ZFHX3: variants seen among roughly 807,000 people sequenced by gnomAD.
ZFHX3 encodes zinc finger homeobox protein 3.
A neutral mutation model predicts 279.1 loss-of-function variants in ZFHX3; 42 were observed. The ratio of observed to expected loss-of-function variants is 0.15; its 90% CI spans 0.12 to 0.19. ZFHX3 has a LOEUF of 0.19. Ranked by LOEUF, ZFHX3 falls within the 10% of genes least tolerant of loss-of-function variation. The probability of loss-of-function intolerance (pLI) is 1.00; values close to 1 mark genes in which losing one functional copy is unlikely to be tolerated. For synonymous variants in ZFHX3, 2,293 were observed against 1,957.8 expected, an observed-to-expected ratio of 1.17 and a Z score of -4.52; for missense variants, 4,981 against 4,754.0, an observed-to-expected ratio of 1.05 and a Z score of -1.40.
chr16:73,581,104 G>T (rs897700195), intron 2 of ZFHX3, among the ~76,000 whole-genome samples: 3 of 151,700 alleles, frequency 2.0e-5, no homozygotes, highest in African/African-American at 7.3e-5. Flanking sequence ...GCCTTTTCTA[G>T]AAAAATGTTC....
At chr16:72,942,553 G>T (rs903551186) in intron 3 of ZFHX3, among the ~76,000 whole-genome samples, 1 of 152,146 alleles carries the variant, frequency 6.6e-6, no homozygotes, top group Non-Finnish European at 1.5e-5. Context: ...TCTGAAATTA[G>T]ACCTCCTTGC....
intron 4 of ZFHX3, among the ~76,000 whole-genome samples, chr16:72,849,126 C>T (rs1007338737): frequency 1.3e-5 from 2 of 151,896 alleles, no homozygotes; most frequent in African/African-American, 2.4e-5. Context: ...AAGAGGCCAA[C>T]GCCCGCCCTC....
intron 3 of ZFHX3, among the ~76,000 whole-genome samples, chr16:72,923,882 C>T (rs779163900): frequency 5.3e-5 from 8 of 152,228 alleles, no homozygotes; most frequent in African/African-American, 7.2e-5. Flanking sequence ...GTTCAAGACG[C>T]GGCTACTGGG....
chr16:72,911,704 C>T (rs902865986), intron 3 of ZFHX3, among the ~76,000 whole-genome samples: 1 of 152,222 alleles, frequency 6.6e-6, no homozygotes. Context: ...CTCGGTGACA[C>T]TAGCCACATT....
intron 1 of ZFHX3, among the ~76,000 whole-genome samples, chr16:73,012,112 C>A (rs955004204): frequency 2.6e-5 from 4 of 152,226 alleles, no homozygotes; most frequent in African/African-American, 9.6e-5. Flanking sequence ...GGCAGTCAGT[C>A]TTCTCAGCAG....
rs1400288999 is a variant in ZFHX3 at position 72,787,904 on chromosome 16, C to A, written c.10372G>T (p.Val3458Phe). 2 of 1,613,980 alleles carry A rather than the reference C, an allele frequency of 1.2e-6. No individual in the cohort carries two copies. The highest frequency in any genetic ancestry group is 1.7e-6 in the Non-Finnish European group (2 of 1,180,028). The part of the protein sequence containing the change: ...SADSLYDPFI[V>F]PKVQYKLVCR... Reference sequence around the variant, plus strand: ...ACCAACTTGTACTGCACCTTTGGAACAATGAAGGGGTCGTAGAGGGAGTCC... The same window carrying A: ...ACCAACTTGTACTGCACCTTTGGAAAAATGAAGGGGTCGTAGAGGGAGTCC... Residue 3458 changes from valine (V) to phenylalanine (F), a missense_variant, in exon 10 of 10, where the codon GTT becomes TTT. This residue lies in a region of ZFHX3 where 1,034 missense variants were observed against 786.0 expected (regional missense o/e 1.32). Coordinates refer to ENST00000268489, the MANE Select transcript of ZFHX3 (RefSeq NM_006885.4).
At chr16:72,895,630 T>TG (rs921820502) in intron 3 of ZFHX3, among the ~76,000 whole-genome samples, 1 of 152,182 alleles carries the variant, frequency 6.6e-6, no homozygotes, top group Non-Finnish European at 1.5e-5. Flanking sequence ...AAGAGCAGCC[T>TG]GGGCAACATG....
At chr16:73,104,107 G>C (rs1040213096) in intron 7 of ZFHX3, among the ~76,000 whole-genome samples, 2 of 151,876 alleles carry the variant, frequency 1.3e-5, no homozygotes, top group Admixed American at 6.6e-5. Context: ...CATCCAGACT[G>C]TTATGGGAGG....
chr16:73,450,208 A>C (rs1441166454), intron 3 of ZFHX3, among the ~76,000 whole-genome samples: 2 of 152,190 alleles, frequency 1.3e-5, no homozygotes, highest in Non-Finnish European at 2.9e-5. Flanking sequence ...CAGGTAAACA[A>C]CACAGTGTTT....
chr16:73,858,833 T>C (rs1961807461), intron 1 of ZFHX3, among the ~76,000 whole-genome samples: 1 of 152,208 alleles, frequency 6.6e-6, no homozygotes, highest in Admixed American at 6.5e-5. Context: ...CAGCTTTCAG[T>C]ACATTATGAG....
At chr16:73,247,174 T>C (rs902187597) in intron 5 of ZFHX3, among the ~76,000 whole-genome samples, 2 of 152,034 alleles carry the variant, frequency 1.3e-5, no homozygotes, top group Non-Finnish European at 2.9e-5. Flanking sequence ...TGTGTCTATG[T>C]ACCTGTATGT....
At chr16:72,951,507 C>A (rs545300868) in intron 2 of ZFHX3, among the ~76,000 whole-genome samples, 1 of 152,320 alleles carries the variant, frequency 6.6e-6, no homozygotes, top group Non-Finnish European at 1.5e-5. Context: ...GCTGATCCAA[C>A]TGCCTCGGCC....
At chr16:73,833,600 G>A (rs769032027) in intron 1 of ZFHX3, among the ~76,000 whole-genome samples, 3 of 151,704 alleles carry the variant, frequency 2.0e-5, no homozygotes, top group Non-Finnish European at 4.4e-5. Flanking sequence ...ACCAGGGCCT[G>A]TCGGGGGTTG....
chr16:73,237,528 C>CTTTTTTTTTTTTTT (rs886922274), intron 5 of ZFHX3, among the ~76,000 whole-genome samples: 1 of 84,144 alleles, frequency 1.2e-5, no homozygotes, highest in Admixed American at 1.5e-4. Context: ...CAAATGCAGC[C>CTTTTTTTTTTTTTT]TTTTTTTTTT....
chr16:73,499,397 G>A (rs999376885), intron 2 of ZFHX3: 16 of 152,222 alleles, frequency 1.1e-4, no homozygotes, highest in African/African-American at 3.9e-4. Context: ...TGCATTTGGT[G>A]GTTCCTTTTC....
intron 7 of ZFHX3, among the ~76,000 whole-genome samples, chr16:73,096,845 A>G (rs1772057778): frequency 6.6e-6 from 1 of 151,992 alleles, no homozygotes; most frequent in African/African-American, 2.4e-5. Context: ...ACCTCATTTC[A>G]TGTCAGGTGT....
intron 4 of ZFHX3, among the ~76,000 whole-genome samples, chr16:72,832,896 G>A (rs1041381685): frequency 6.6e-6 from 1 of 152,246 alleles, no homozygotes; most frequent in Non-Finnish European, 1.5e-5. Context: ...TACACCATCT[G>A]TCTTTATACC....
intron 1 of ZFHX3, among the ~76,000 whole-genome samples, chr16:73,742,369 A>T (rs60545413): frequency 8.1e-4 from 124 of 152,298 alleles, no homozygotes; most frequent in African/African-American, 2.8e-3. Context: ...GTATTAATAG[A>T]TTGGCTATTG....
intron 3 of ZFHX3, among the ~76,000 whole-genome samples, chr16:73,419,551 G>A (rs2017673744): frequency 2.0e-5 from 3 of 151,948 alleles, no homozygotes; most frequent in South Asian, 2.1e-4. Context: ...GTAAGGCTGG[G>A]GCTCTCTTAA....
Sources: allele counts gnomAD v4.1 joint callset (sites outside exome capture counted in the v4.1 genomes callset), GRCh38; gene constraint gnomAD v4.1.1; regional missense constraint gnomAD v4.1.1; transcripts MANE v1.5; gene names NCBI Gene and HGNC (gene_info 2026-07-23, HGNC 2026-07-21).